ANKRD26: variants seen among roughly 807,000 people sequenced by gnomAD.
ANKRD26 encodes ankyrin repeat domain 26.
ANKRD26 carries 141 observed loss-of-function variants against 208.7 expected under a neutral mutation model. The ratio of observed to expected loss-of-function variants is 0.68; its 90% CI spans 0.59 to 0.78. ANKRD26 has a LOEUF of 0.78. ANKRD26 is among the 30% of genes least tolerant of loss of function. The pLI is 0.00. For missense variants in ANKRD26, 1,889 were observed against 1,938.7 expected (o/e 0.97, Z 0.48); for synonymous variants, 636 against 660.4 (o/e 0.96, Z 0.57).
downstream of ANKRD26, among the ~76,000 whole-genome samples, chr10:26,971,689 A>AAG (rs2052145039): frequency 6.6e-6 from 1 of 151,672 alleles, no homozygotes; most frequent in African/African-American, 2.4e-5. Flanking sequence ...AAAAAAAAAA[A>AAG]AAAAGAAAAC....
intron 5 of ANKRD26, among the ~76,000 whole-genome samples, chr10:26,976,120 G>T (rs2052223329): frequency 6.6e-6 from 1 of 152,102 alleles, no homozygotes; most frequent in African/African-American, 2.4e-5. Flanking sequence ...ATGGGGGCTT[G>T]GTTAAATTAC....
intron 25 of ANKRD26, chr10:27,030,444 G>T: frequency 1.0e-6 from 1 of 985,416 alleles, no homozygotes; most frequent in Non-Finnish European, 1.2e-6. Flanking sequence ...GCGAAACAAG[G>T]TTCCCAAATC....
downstream of ANKRD26, among the ~76,000 whole-genome samples, chr10:27,000,238 T>C (rs562347907): frequency 1.3e-5 from 2 of 152,310 alleles, no homozygotes; most frequent in South Asian, 4.1e-4. Context: ...GATTTTAAGA[T>C]GCTAAGTTTG....
chr10:27,063,138 A>T (rs2055122845), intron 12 of ANKRD26, among the ~76,000 whole-genome samples: 1 of 152,068 alleles, frequency 6.6e-6, no homozygotes, highest in Non-Finnish European at 1.5e-5. Context: ...CAGCAGATGA[A>T]ATGTGCCATA....
At chr10:27,074,325 A>G (rs1177406637) in intron 9 of ANKRD26, among the ~76,000 whole-genome samples, 1 of 152,240 alleles carries the variant, frequency 6.6e-6, no homozygotes, top group Non-Finnish European at 1.5e-5. Context: ...AAAGAGAAAG[A>G]TATTTTAAAG....
At chr10:27,043,053 G>A (rs1228967435) in intron 20 of ANKRD26, among the ~76,000 whole-genome samples, 4 of 148,952 alleles carry the variant, frequency 2.7e-5, no homozygotes, top group East Asian at 2.0e-4. Context: ...TCTTAAATGC[G>A]ATACAAAAAG....
intron 24 of ANKRD26, among the ~76,000 whole-genome samples, chr10:27,034,568 T>G (rs2053980410): frequency 6.6e-6 from 1 of 152,176 alleles, no homozygotes; most frequent in African/African-American, 2.4e-5. Flanking sequence ...TTCATACTAG[T>G]CTATAACAAT....
At chr10:26,975,433 G>T in exon 6 of ANKRD26, among the ~76,000 whole-genome samples, 1 of 57,786 alleles carries the variant, frequency 1.7e-5, no homozygotes, top group Non-Finnish European at 3.2e-5. Context: ...TGTAGTTGAG[G>T]TCTCTCTATG....
intron 4 of ANKRD26, among the ~76,000 whole-genome samples, chr10:26,981,567 C>A (rs1351871284): frequency 6.6e-6 from 1 of 152,198 alleles, no homozygotes; most frequent in African/African-American, 2.4e-5. Flanking sequence ...CTGCTCCCAC[C>A]AGCCTGACTT....
chr10:27,021,599 T>G (rs966899838), intron 29 of ANKRD26, among the ~76,000 whole-genome samples: 1 of 152,246 alleles, frequency 6.6e-6, no homozygotes, highest in South Asian at 2.1e-4. Flanking sequence ...TTATGAGAAA[T>G]GTCTGTTTCA....
At chr10:26,971,637 C>T (rs561600594), downstream of ANKRD26, among the ~76,000 whole-genome samples, 7 of 145,014 alleles carry the variant, frequency 4.8e-5, no homozygotes, top group African/African-American at 1.3e-4. Context: ...GACCACACCA[C>T]TGCACTCCAG....
intron 15 of ANKRD26, among the ~76,000 whole-genome samples, chr10:27,058,922 G>T (rs11015488): frequency 6.3e-5 from 9 of 143,080 alleles, no homozygotes; most frequent in South Asian, 2.2e-4. Context: ...TTGTTTTTTT[G>T]TTTTTTTTTT....
chr10:27,076,187 G>A (rs1357719664), intron 9 of ANKRD26, among the ~76,000 whole-genome samples: 1 of 151,066 alleles, frequency 6.6e-6, no homozygotes, highest in Admixed American at 6.6e-5. Flanking sequence ...AAAGATCAGA[G>A]CAGAGCTAAA....
At chr10:27,070,033 A>G (rs901224482) in intron 9 of ANKRD26, among the ~76,000 whole-genome samples, 1 of 151,186 alleles carries the variant, frequency 6.6e-6, no homozygotes, top group African/African-American at 2.4e-5. Context: ...CAGACCCAGA[A>G]GATTTAAGCT....
chr10:27,100,011 C>A lies in ANKRD26; in HGVS notation c.242+74G>T, dbSNP rs1589392166. ...GGAGGCTGATCCAGGCCCTGGGTGG[C>A]TCCCACAAAAGGGGCCCCTCTTCCT... On this transcript the variant is annotated intron_variant, in intron 1 of 33. Coordinates refer to ENST00000376087, the MANE Select transcript of ANKRD26 (RefSeq NM_014915.3). The A allele has an allele frequency of 2.5e-6, 4 of 1,604,322 alleles. No homozygotes were observed. In the East Asian group the frequency reaches 8.9e-5, roughly 36 times the overall value.
At chr10:27,024,323 AAG>A (rs2053590539) in intron 28 of ANKRD26, 122 bp downstream of exon 28, 2 of 598,080 alleles carry the variant, frequency 3.3e-6, no homozygotes. Flanking sequence ...ACCATTTTAA[AAG>A]AGAATAATTT....
In ANKRD26 at chr10:27,006,914, T is replaced by C; in HGVS notation, c.4999+3A>G. ...ATTTAATTCATGAAGTTTGGCAACATACCTTCTTTGAGTTCTCTAGTTATA... is the reference window on the plus strand; with the variant it reads ...ATTTAATTCATGAAGTTTGGCAACACACCTTCTTTGAGTTCTCTAGTTATA... On this transcript the variant is annotated splice_donor_region_variant and intron_variant, in intron 33 of 33. Coordinates refer to ENST00000376087, the MANE Select transcript of ANKRD26 (RefSeq NM_014915.3). 6.2e-7 allele frequency: 1 copy of C among 1,607,056 alleles called. No individual in the cohort carries two copies. The highest frequency in any genetic ancestry group is 8.5e-7 in the Non-Finnish European group (1 of 1,174,640).
intron 15 of ANKRD26, 66 bp from the exon 16 acceptor site, chr10:27,053,456 T>C (rs2054734533): frequency 9.8e-7 from 1 of 1,022,784 alleles, no homozygotes; most frequent in Admixed American, 2.2e-5. Flanking sequence ...GTATAGTCTT[T>C]ACAGAAATAG....
intron 21 of ANKRD26, 118 bp from the exon 22 acceptor site, chr10:27,038,172 T>C (rs2054105967): frequency 1.2e-6 from 1 of 847,440 alleles, no homozygotes; most frequent in Non-Finnish European, 1.8e-6. Context: ...TGTTCTTGAA[T>C]ATTTTTCCTT....
Sources: allele counts gnomAD v4.1 joint callset (sites outside exome capture counted in the v4.1 genomes callset), GRCh38; gene constraint gnomAD v4.1.1; transcripts MANE v1.5; gene names NCBI Gene and HGNC (gene_info 2026-07-23, HGNC 2026-07-21).